The following USH2A variants were observed in gnomAD, a reference collection of about 807,000 sequenced individuals.
USH2A encodes the protein usherin, also known as Usher syndrome 2A (autosomal recessive, mild).
A neutral mutation model predicts 538.9 loss-of-function variants in USH2A; 443 were observed. That is an observed-to-expected ratio of 0.82 (90% confidence interval 0.76 to 0.89). The LOEUF (loss-of-function observed/expected upper bound fraction) is 0.89. USH2A is among the 40% of genes least tolerant of loss of function. The pLI is 0.00. For synonymous variants in USH2A, 2,413 were observed against 2,273.5 expected, an observed-to-expected ratio of 1.06 and a Z score of -1.75; for missense variants, 6,633 against 6,324.8, an observed-to-expected ratio of 1.05 and a Z score of -1.65.
chr1:215,743,936 G>T (rs1660391879), intron 58 of USH2A, among the ~76,000 whole-genome samples: 1 of 151,950 alleles, frequency 6.6e-6, no homozygotes, highest in Admixed American at 6.6e-5. Context: ...AGTAAGAAAT[G>T]TACATAATCT....
At chr1:216,158,160 C>T (rs575428758) in intron 21 of USH2A, among the ~76,000 whole-genome samples, 4 of 152,036 alleles carry the variant, frequency 2.6e-5, no homozygotes, top group African/African-American at 7.2e-5. Context: ...TGGATTGTTA[C>T]CAGTTTTTGA....
intron 21 of USH2A, among the ~76,000 whole-genome samples, chr1:216,156,773 A>G (rs2033952504): frequency 1.3e-5 from 2 of 152,234 alleles, no homozygotes; most frequent in African/African-American, 4.8e-5. Context: ...TATGCATCTG[A>G]CAAAGTTCTA....
At chr1:216,065,267 A>G (rs2031313625) in intron 30 of USH2A, among the ~76,000 whole-genome samples, 1 of 152,192 alleles carries the variant, frequency 6.6e-6, no homozygotes, top group South Asian at 2.1e-4. Context: ...GCCTCCCTGC[A>G]TCCAGTTTCT....
rs568549246 is a variant in USH2A, at chr1:215,733,251, T to A, written c.11712-4867A>T. ...GACATTTAAACAACCAGATCTCCCA[T>A]CATGAACAAACTGAGCAAGAACACA... is the stretch of plus-strand genomic sequence containing the variant. On this transcript the variant is annotated intron_variant, in intron 60 of 71. Transcript: ENST00000307340. Among the ~76,000 whole-genome samples, 15 of 151,836 alleles carry A rather than the reference T, an allele frequency of 9.9e-5. No individual in the cohort carries two copies. In the South Asian group the frequency reaches 3.1e-3, roughly 32 times the overall value.
chr1:215,681,587 A>T (rs543855399), intron 61 of USH2A, among the ~76,000 whole-genome samples: 126 of 152,300 alleles, frequency 8.3e-4, no homozygotes, highest in African/African-American at 2.9e-3. Flanking sequence ...CATCAGAAAA[A>T]ATTATGTGTG....
chr1:216,086,656 T>C, intron 24 of USH2A, 63 bp downstream of exon 24: 1 of 1,282,200 alleles, frequency 7.8e-7, no homozygotes, highest in South Asian at 1.2e-5. Context: ...TACTTTAAAA[T>C]AATGTAAACA....
At chr1:215,721,365 G>A (rs1026788722) in intron 61 of USH2A, among the ~76,000 whole-genome samples, 3 of 152,074 alleles carry the variant, frequency 2.0e-5, no homozygotes, top group Admixed American at 6.5e-5. Flanking sequence ...ATGAGCCATC[G>A]CCCCCAGTCT....
At chr1:216,116,711 C>T (rs1196348671) in intron 21 of USH2A, among the ~76,000 whole-genome samples, 1 of 152,116 alleles carries the variant, frequency 6.6e-6, no homozygotes. Context: ...CTGATTCTGA[C>T]CCTACATTTT....
At chr1:215,927,125 A>T (rs1666257195) in intron 38 of USH2A, among the ~76,000 whole-genome samples, 1 of 152,104 alleles carries the variant, frequency 6.6e-6, no homozygotes, top group Non-Finnish European at 1.5e-5. Flanking sequence ...ATAATGCTTA[A>T]ACTGATGAGC....
At chr1:216,356,067 A>T (rs1410185127) in intron 4 of USH2A, among the ~76,000 whole-genome samples, 1 of 152,136 alleles carries the variant, frequency 6.6e-6, no homozygotes, top group Non-Finnish European at 1.5e-5. Context: ...ATTCTTTGCC[A>T]AAGTCACTTG....
At position 215,900,848 on chromosome 1, in the gene USH2A, AC is replaced by A. The variant is rs1191903942; in HGVS notation, c.7357del (p.Val2453LeufsTer21). On this transcript the variant is annotated frameshift_variant, in exon 39 of 72. Coordinates refer to ENST00000307340, the MANE Select transcript of USH2A (RefSeq NM_206933.4). LOFTEE classifies it high-confidence loss of function. ...LSSATPTSLQVVWSTPARNNA... is the reference protein window; with the variant it reads ...LSSATPTSLQXVWSTPARNNA... ...ATTACGAGCTGGTGTAGACCAGACA[AC>A]CTGAAGACTGGTTGGAGTGGCAGAT... is the stretch of plus-strand genomic sequence containing the variant. The A allele has an allele frequency of 6.2e-7, 1 of 1,613,750 alleles. No individual in the cohort carries two copies.
intron 61 of USH2A, among the ~76,000 whole-genome samples, chr1:215,695,234 C>A (rs532620087): frequency 1.3e-5 from 2 of 152,292 alleles, no homozygotes; most frequent in South Asian, 4.1e-4. Flanking sequence ...CATGATCTGA[C>A]ACTGATATAA....
chr1:216,004,533 A>G (rs1168049410), intron 32 of USH2A, among the ~76,000 whole-genome samples: 1 of 152,192 alleles, frequency 6.6e-6, no homozygotes, highest in Non-Finnish European at 1.5e-5. Context: ...GTTTCAGTGA[A>G]CTTGTCAGCA....
chr1:216,169,821 C>G (rs1471179376), intron 21 of USH2A, among the ~76,000 whole-genome samples: 1 of 152,064 alleles, frequency 6.6e-6, no homozygotes, highest in African/African-American at 2.4e-5. Flanking sequence ...CATTAAACTT[C>G]TAGGACACAT....
intron 38 of USH2A, among the ~76,000 whole-genome samples, chr1:215,917,172 A>G (rs1332499974): frequency 2.6e-5 from 4 of 152,062 alleles, no homozygotes; most frequent in African/African-American, 9.7e-5. Flanking sequence ...CCACCAACCA[A>G]ATTTTTTTCC....
chr1:215,890,702 C>G (rs186640478), intron 40 of USH2A, among the ~76,000 whole-genome samples: 1 of 152,122 alleles, frequency 6.6e-6, no homozygotes, highest in East Asian at 1.9e-4. Flanking sequence ...GTAGCAGTAG[C>G]AATTATTATA....
At chr1:215,673,993 C>T (rs546970313) in intron 63 of USH2A, 107 bp downstream of exon 63, 214 of 1,590,224 alleles carry the variant, frequency 1.3e-4, no homozygotes, top group Middle Eastern at 5.0e-4. Context: ...AGGTTGGGGA[C>T]ACCTTGCATC....
chr1:216,018,435 C>A (rs1158669694), intron 32 of USH2A, among the ~76,000 whole-genome samples: 1 of 152,174 alleles, frequency 6.6e-6, no homozygotes, highest in Non-Finnish European at 1.5e-5. Flanking sequence ...ACAGCTACTG[C>A]CCATCTGAAC....
rs1160541289 is a variant in USH2A, at chr1:215,782,033, T to C, written c.10740+9A>G. The C allele has an allele frequency of 6.2e-7, 1 of 1,613,734 alleles. No individual in the cohort carries two copies. The highest frequency in any genetic ancestry group is 8.5e-7 in the Non-Finnish European group (1 of 1,179,798). ...CCCTTTTCCCAGAGTTTAGGCAAAC[T>C]CCTCTTACCTTGCTACTGGTGGCAC... On this transcript the variant is annotated intron_variant, in intron 54 of 71. Coordinates refer to ENST00000307340, the MANE Select transcript of USH2A (RefSeq NM_206933.4).
Sources: allele counts gnomAD v4.1 joint callset (sites outside exome capture counted in the v4.1 genomes callset), GRCh38; gene constraint gnomAD v4.1.1; transcripts MANE v1.5; gene names NCBI Gene and HGNC (gene_info 2026-07-23, HGNC 2026-07-21).